TENM3: variants seen among roughly 807,000 people sequenced by gnomAD.
TENM3 encodes the protein teneurin-3.
Under a neutral mutation model 255.1 loss-of-function variants are expected in TENM3, and 63 were observed. The ratio of observed to expected loss-of-function variants is 0.25; its 90% CI spans 0.20 to 0.30. The LOEUF is 0.30. Ranked by LOEUF, TENM3 falls within the 10% of genes least tolerant of loss-of-function variation. The probability of loss-of-function intolerance (pLI) is 1.00; values close to 1 mark genes in which losing one functional copy is unlikely to be tolerated. For missense variants in TENM3, 2,929 were observed against 3,461.1 expected, an observed-to-expected ratio of 0.85 and a Z score of 3.86; for synonymous variants, 1,306 against 1,322.3, an observed-to-expected ratio of 0.99 and a Z score of 0.27.
the TENM3 span, among the ~76,000 whole-genome samples, chr4:181,672,887 G>A: frequency 6.6e-6 from 1 of 152,154 alleles, no homozygotes; most frequent in Non-Finnish European, 1.5e-5. Context: ...GGCTTACAAA[G>A]GTGGGGCTGG....
At chr4:181,737,774 C>T in the TENM3 span, among the ~76,000 whole-genome samples, 1 of 151,488 alleles carries the variant, frequency 6.6e-6, no homozygotes, top group Non-Finnish European at 1.5e-5. Context: ...ATGATATGCC[C>T]AAGCGGTCAT....
the TENM3 span, among the ~76,000 whole-genome samples, chr4:181,645,321 A>G: frequency 6.6e-6 from 1 of 152,262 alleles, no homozygotes; most frequent in African/African-American, 2.4e-5. Context: ...TGGTGGTTAG[A>G]GGCGAAGAAC....
chr4:181,596,080 T>A, the TENM3 span, among the ~76,000 whole-genome samples: 1 of 152,218 alleles, frequency 6.6e-6, no homozygotes, highest in East Asian at 1.9e-4. Flanking sequence ...TTTATCTCAA[T>A]CATTCATAGA....
At chr4:182,727,411 G>A (rs1175217091) in intron 13 of TENM3, among the ~76,000 whole-genome samples, 1 of 139,510 alleles carries the variant, frequency 7.2e-6, no homozygotes, top group Non-Finnish European at 1.5e-5. Context: ...AGCTGAGATC[G>A]TGCCACTGCA....
chr4:182,348,894 G>A (rs1765002111), intron 3 of TENM3, among the ~76,000 whole-genome samples: 1 of 152,054 alleles, frequency 6.6e-6, no homozygotes, highest in East Asian at 1.9e-4. Flanking sequence ...TCATACCACT[G>A]CCCTCACCAT....
chr4:182,487,856 A>G (rs1734909388), intron 3 of TENM3, among the ~76,000 whole-genome samples: 1 of 152,182 alleles, frequency 6.6e-6, no homozygotes, highest in South Asian at 2.1e-4. Flanking sequence ...ATAAATATTT[A>G]TTAAATGCAG....
At chr4:182,315,111 A>G (rs999092593) in intron 1 of TENM3, among the ~76,000 whole-genome samples, 2 of 152,174 alleles carry the variant, frequency 1.3e-5, no homozygotes, top group East Asian at 3.8e-4. Context: ...TTACTTACAC[A>G]TGTTATAAAT....
the TENM3 span, among the ~76,000 whole-genome samples, chr4:181,978,655 A>G: frequency 2.0e-4 from 30 of 151,254 alleles, no homozygotes; most frequent in Non-Finnish European, 3.5e-4. Context: ...CAAAAAAAAA[A>G]AAAAGAAAAG....
At chr4:182,010,614 T>C in the TENM3 span, among the ~76,000 whole-genome samples, 1 of 152,160 alleles carries the variant, frequency 6.6e-6, no homozygotes, top group Admixed American at 6.5e-5. Flanking sequence ...CAATTCTATT[T>C]TGAAATGTTC....
At chr4:181,788,890 G>A in the TENM3 span, among the ~76,000 whole-genome samples, 2 of 152,242 alleles carry the variant, frequency 1.3e-5, no homozygotes, top group African/African-American at 2.4e-5. Context: ...GAGCCACTGC[G>A]CCTAGCCCTA....
chr4:182,538,744 A>C (rs1397167093), intron 3 of TENM3, among the ~76,000 whole-genome samples: 1 of 152,156 alleles, frequency 6.6e-6, no homozygotes, highest in Non-Finnish European at 1.5e-5. Context: ...ATATTTAGAG[A>C]ATACTAATAT....
chr4:182,161,198 C>T lies in TENM3; in HGVS notation c.-76+16444C>T, dbSNP rs1421075350. Among the ~76,000 whole-genome samples the T allele has an allele frequency of 5.8e-5, 8 of 138,850 alleles. 1 individual carries two copies. Among genetic ancestry groups the T allele is most frequent in the South Asian group, 2.6e-4 (1 of 3,916 alleles). 91.1% of individuals were successfully genotyped at this position (138,850 alleles called of 152,430 possible). A position where few individuals can be genotyped will look rare whatever the true frequency, so the allele number is the denominator to read the frequency against. Reference sequence around the variant, plus strand: ...TTGGGAGGCCGAGGCGGGCGGATCACGAGGTCAGGAGATCGAGACCATCCT... The same window carrying T: ...TTGGGAGGCCGAGGCGGGCGGATCATGAGGTCAGGAGATCGAGACCATCCT... On this transcript the variant is annotated intron_variant, in intron 1 of 2. Coordinates refer to the TENM3 transcript ENST00000512480.
chr4:181,862,466 T>C, the TENM3 span, among the ~76,000 whole-genome samples: 136 of 152,246 alleles, frequency 8.9e-4, 2 homozygotes, highest in Non-Finnish European at 3.2e-4. Context: ...CGTTTTCTTT[T>C]TTCTCACCCC....
chr4:181,527,108 A>G, the TENM3 span, among the ~76,000 whole-genome samples: 4 of 152,208 alleles, frequency 2.6e-5, no homozygotes, highest in South Asian at 2.1e-4. Context: ...CACAGAGACC[A>G]GCTGCTAGGT....
the TENM3 span, among the ~76,000 whole-genome samples, chr4:181,888,722 G>A: frequency 6.7e-6 from 1 of 149,708 alleles, no homozygotes; most frequent in African/African-American, 2.5e-5. Flanking sequence ...CAGGAAAGCC[G>A]GTGGTTCAGT....
At chr4:182,285,470 A>G (rs972206315) in intron 1 of TENM3, among the ~76,000 whole-genome samples, 1 of 152,162 alleles carries the variant, frequency 6.6e-6, no homozygotes, top group Non-Finnish European at 1.5e-5. Flanking sequence ...CACAACTGAA[A>G]CTATAAGACC....
chr4:181,856,049 GAA>G, the TENM3 span, among the ~76,000 whole-genome samples: 2 of 21,304 alleles, frequency 9.4e-5, no homozygotes, highest in African/African-American at 1.8e-4. Flanking sequence ...AGGAAGGAAG[GAA>G]AGGGAAAGAA....
intron 2 of TENM3, among the ~76,000 whole-genome samples, chr4:182,336,843 C>CTT (rs34620762): frequency 4.4e-5 from 5 of 113,498 alleles, no homozygotes; most frequent in African/African-American, 1.6e-4. Flanking sequence ...TTATTCTTAG[C>CTT]TTTTTTTTTT....
rs1768763258 is a variant in TENM3 at position 182,395,752 on chromosome 4, C to A, written c.511+48823C>A. Among the ~76,000 whole-genome samples the A allele has an allele frequency of 3.9e-5, 6 of 152,062 alleles. No individual in the cohort carries two copies. The South Asian group carries it at 1.2e-3, about 32-fold the overall frequency. Reference sequence around the variant, plus strand: ...CAAAGAGGTCATTCAGTTTCTCCTCCTGTTTGTGCGGAATTATTTTATTTC... The same window carrying A: ...CAAAGAGGTCATTCAGTTTCTCCTCATGTTTGTGCGGAATTATTTTATTTC... On this transcript the variant is annotated intron_variant, in intron 3 of 27. Coordinates refer to ENST00000511685, the MANE Select transcript of TENM3 (RefSeq NM_001080477.4).
Sources: allele counts gnomAD v4.1 joint callset (sites outside exome capture counted in the v4.1 genomes callset), GRCh38; gene constraint gnomAD v4.1.1; transcripts MANE v1.5; gene names NCBI Gene and HGNC (gene_info 2026-07-23, HGNC 2026-07-21).